Variants in STK26 observed in about 807,000 individuals in gnomAD.
STK26 encodes the protein serine/threonine kinase 26.
Under a neutral mutation model 34.7 loss-of-function variants are expected in STK26, and 14 were observed. That is an observed-to-expected ratio of 0.40 (90% CI 0.27 to 0.63). STK26 has a LOEUF of 0.63. STK26 is among the 30% of genes least tolerant of loss of function. The pLI is 0.38. For synonymous variants in STK26, 100 were observed against 109.8 expected (o/e 0.91, Z 0.56); for missense variants, 226 against 309.1 (o/e 0.73, Z 2.02).
Position 132,075,247 on chromosome X carries a change from T to C in STK26, c.*1088T>C, listed in dbSNP as rs1602785633. Reference sequence around the variant, plus strand: ...TTAAATTAGATTGCACAGTTAATTTTCACTTATATTTATGGTACTATTATG... The same window carrying C: ...TTAAATTAGATTGCACAGTTAATTTCCACTTATATTTATGGTACTATTATG... On this transcript the variant is annotated 3_prime_UTR_variant, in exon 12 of 12. Coordinates refer to ENST00000394334, the MANE Select transcript of STK26 (RefSeq NM_016542.4). The C allele has an allele frequency of 9.0e-6, 1 of 111,560 alleles. No homozygotes were observed. Among genetic ancestry groups the C allele is most frequent in the African/African-American group, 3.3e-5 (1 of 30,745 alleles). The allele number at this position is 111,560 out of a possible 1,213,427, so 9.2% of individuals were successfully genotyped here. A position where few individuals can be genotyped will look rare whatever the true frequency, so the allele number is the denominator to read the frequency against.
At chrX:132,044,092 A>G (rs1255765265) in intron 2 of STK26, among the ~76,000 whole-genome samples, 1 of 111,624 alleles carries the variant, frequency 9.0e-6, no homozygotes, top group African/African-American at 3.3e-5. Context: ...AGATAATCAC[A>G]TGCCAAAGAT....
In STK26 at chrX:132,045,093, C is replaced by T. The variant is rs971247273; in HGVS notation, c.43-9538C>T. Among the ~76,000 whole-genome samples, 4 of 108,077 alleles carry T rather than the reference C, an allele frequency of 3.7e-5. No homozygotes were observed. The East Asian group carries it at 1.2e-3, about 31-fold the overall frequency. The allele number at this position is 108,077 out of a possible 115,157, so 93.9% of individuals were successfully genotyped here. On this transcript the variant is annotated intron_variant, in intron 2 of 11. Coordinates refer to ENST00000394334, the MANE Select transcript of STK26 (RefSeq NM_016542.4). ...CCCTTGACTTCCTCCGGGATAGTCACGTGTATATAATGGGACATGGCCAGT... is the reference window on the plus strand; with the variant it reads ...CCCTTGACTTCCTCCGGGATAGTCATGTGTATATAATGGGACATGGCCAGT...
chrX:132,075,895 A>T lies in STK26; in HGVS notation c.*1736A>T, dbSNP rs1163467314. The T allele has an allele frequency of 1.8e-5, 2 of 111,478 alleles. No individual in the cohort carries two copies. Among genetic ancestry groups the T allele is most frequent in the East Asian group, 5.5e-4 (2 of 3,604 alleles). The allele number at this position is 111,478 out of a possible 1,213,427, so 9.2% of individuals were successfully genotyped here. A position where few individuals can be genotyped will look rare whatever the true frequency, so the allele number is the denominator to read the frequency against. On this transcript the variant is annotated 3_prime_UTR_variant, in exon 12 of 12. Coordinates refer to ENST00000394334, the MANE Select transcript of STK26 (RefSeq NM_016542.4). ...TGTAATCTGTTTCTAGGTGAAGCAT[A>T]CTCCAGTGTTTTAGGGGTTTTGAAA...
At position 132,068,241 on chromosome X, in the gene STK26, C is replaced by T. The variant is rs1927285733; in HGVS notation, c.357C>T (p.Phe119=). ...DLLRAGPFDE[F]QIATMLKEIL... ...TTCGAGCTGGTCCATTTGATGAGTT[C>T]CAGATTGCTACCATGCTAAAGGAAA... The change falls in exon 5 of 12, where the codon TTC becomes TTT. Residue 119 remains phenylalanine (F), a synonymous_variant. Coordinates refer to ENST00000394334, the MANE Select transcript of STK26 (RefSeq NM_016542.4). 1.7e-6 allele frequency: 2 copies of T among 1,206,177 alleles called. No individual in the cohort carries two copies. The highest frequency in any genetic ancestry group is 2.2e-6 in the Non-Finnish European group (2 of 893,184).
chrX:132,063,547 A>G, intron 4 of STK26, 58 bp downstream of exon 4: 1 of 1,043,510 alleles, frequency 9.6e-7, no homozygotes, highest in East Asian at 3.1e-5. Flanking sequence ...CACATACCTT[A>G]ATTTTTTAAA....
intron 3 of STK26, 60 bp downstream of exon 3, chrX:132,054,921 C>A: frequency 9.9e-7 from 1 of 1,007,273 alleles, no homozygotes; most frequent in Non-Finnish European, 1.3e-6. Flanking sequence ...TTTTTTAATT[C>A]TATTTTTTTG....
At position 132,052,588 on chromosome X, in the gene STK26, A is replaced by G. The variant is rs776708105; in HGVS notation, c.43-2043A>G. On this transcript the variant is annotated intron_variant, in intron 2 of 11. Coordinates refer to ENST00000394334, the MANE Select transcript of STK26 (RefSeq NM_016542.4). The stretch of plus-strand genomic sequence containing the variant: ...ATGTGACCTCGTTTTAAAATTTTTG[A>G]TTTACATATTTGCAAGAACCCATTT... 2.7e-5 allele frequency among the ~76,000 whole-genome samples: 3 copies of G among 112,040 alleles called. No homozygotes were observed. The East Asian group carries it at 8.4e-4, about 31-fold the overall frequency.
rs1390181420 is a variant in STK26, at chrX:132,069,673, T to C, written c.783+10T>C. On this transcript the variant is annotated intron_variant, in intron 7 of 11. Coordinates refer to ENST00000394334, the MANE Select transcript of STK26 (RefSeq NM_016542.4). ...CAAAGATCCATCATTTGTGAGTATA[T>C]ATTGCTATTATTACTATTTGTTTTC... is the stretch of plus-strand genomic sequence containing the variant. The C allele has an allele frequency of 2.0e-6, 2 of 1,019,296 alleles. No homozygotes were observed. Among genetic ancestry groups the C allele is most frequent in the Non-Finnish European group, 2.5e-6 (2 of 786,360 alleles). 84.0% of individuals were successfully genotyped at this position (1,019,296 alleles called of 1,213,427 possible).
Position 132,054,630 on chromosome X carries a change from G to A in STK26, c.43-1G>A. 1 of 1,202,780 alleles carries A rather than the reference G, an allele frequency of 8.3e-7. No homozygotes were observed. The highest frequency in any genetic ancestry group is 1.1e-6 in the Non-Finnish European group (1 of 890,097). ...TTTTTCTCGTTCCCCACTCCCTTCA[G>A]AATAACATAGCTGATCCAGAAGAAC... On this transcript the variant is annotated splice_acceptor_variant, in intron 2 of 11. Coordinates refer to ENST00000394334, the MANE Select transcript of STK26 (RefSeq NM_016542.4). LOFTEE classifies it high-confidence loss of function.
At position 132,023,628 on chromosome X, in the gene STK26, C is replaced by A; in HGVS notation, c.11C>A (p.Ser4Ter). 8.5e-7 allele frequency: 1 copy of A among 1,176,367 alleles called. No individual in the cohort carries two copies. Among genetic ancestry groups the A allele is most frequent in the East Asian group, 3.2e-5 (1 of 31,687 alleles). ...GCAGCATTCGCCTCCATGGCCCACT[C>A]GCCGGTGGCTGTCCAAGTGCCTGGG... MAH[S>*]PVAVQVPGMQ... is the part of the protein sequence containing the mutation. The change falls in exon 2 of 12, where the codon TCG becomes TAG. Residue 4 changes from serine (S) to a stop codon, truncating the protein, a stop_gained. Transcript: ENST00000394334. LOFTEE classifies it high-confidence loss of function.
chrX:132,029,595 C>G (rs1254479182), intron 2 of STK26, among the ~76,000 whole-genome samples: 2 of 110,726 alleles, frequency 1.8e-5, no homozygotes, highest in Non-Finnish European at 3.8e-5. Flanking sequence ...GCTCAGCTTT[C>G]CATACTTTCT....
chrX:132,063,923 A>G lies in STK26; in HGVS notation c.330+434A>G, dbSNP rs192740151. ...TTCATATGTGGAAATCCTAACCCCC[A>G]ATGTGATGGTATTAGGCGGTGGGGA... On this transcript the variant is annotated intron_variant, in intron 4 of 11. Coordinates refer to ENST00000394334, the MANE Select transcript of STK26 (RefSeq NM_016542.4). 5.9e-3 allele frequency among the ~76,000 whole-genome samples: 658 copies of G among 111,744 alleles called. 5 individuals are homozygous for G. The highest frequency in any genetic ancestry group is 0.02 in the African/African-American group (621 of 30,741).
At chrX:132,059,684 A>G (rs1413259526) in intron 3 of STK26, among the ~76,000 whole-genome samples, 2 of 111,881 alleles carry the variant, frequency 1.8e-5, no homozygotes, top group East Asian at 5.6e-4. Flanking sequence ...CAGGCATTGA[A>G]TAGAATTTGA....
At chrX:132,028,053 G>T (rs1255511757) in intron 2 of STK26, among the ~76,000 whole-genome samples, 3 of 74,620 alleles carry the variant, frequency 4.0e-5, no homozygotes, top group Non-Finnish European at 8.2e-5. Context: ...TTTTTTTGGA[G>T]ACAATGTTTA....
In STK26 at chrX:132,072,168, G is replaced by A. The variant is rs374700502; in HGVS notation, c.933-100G>A. 9.7e-6 allele frequency: 6 copies of A among 619,584 alleles called. No homozygotes were observed. In the African/African-American group the frequency reaches 1.1e-4, roughly 12 times the overall value. 51.1% of individuals were successfully genotyped at this position (619,584 alleles called of 1,213,427 possible). ...TTTGCATCATGAGTTTTTAAACATT[G>A]GGACAATTATCCCTTTAGATTCTAC... On this transcript the variant is annotated intron_variant, in intron 8 of 11. Coordinates refer to ENST00000394334, the MANE Select transcript of STK26 (RefSeq NM_016542.4).
At position 132,075,754 on chromosome X, in the gene STK26, T is replaced by A. The variant is rs1927579610; in HGVS notation, c.*1595T>A. 8.9e-6 allele frequency: 1 copy of A among 111,891 alleles called. No individual in the cohort carries two copies. Among genetic ancestry groups the A allele is most frequent in the South Asian group, 3.6e-4 (1 of 2,741 alleles). 9.2% of individuals were successfully genotyped at this position (111,891 alleles called of 1,213,427 possible). On this transcript the variant is annotated 3_prime_UTR_variant, in exon 12 of 12. Transcript: ENST00000394334. ...TTTGCAACTCATGTTATGGGTTAAA[T>A]GAATATTTTTGTAAAAGTAAAAGCA...
In STK26 at chrX:132,071,209, C is replaced by T; in HGVS notation, c.924C>T (p.Gly308=). 1 of 1,207,538 alleles carries T rather than the reference C, an allele frequency of 8.3e-7. No individual in the cohort carries two copies. Among genetic ancestry groups the T allele is most frequent in the Non-Finnish European group, 1.1e-6 (1 of 893,594 alleles). The change falls in exon 8 of 12, where the codon GGC becomes GGT. Residue 308 remains glycine (G), a synonymous_variant. Coordinates refer to ENST00000394334, the MANE Select transcript of STK26 (RefSeq NM_016542.4). ...GHSDDESDSE[G]SDSESTSREN... ...GTGATGATGAATCTGATTCCGAGGG[C>T]TCTGATTCGTATGTACAAATTATTT...
chrX:132,030,470 C>T (rs1925790868), intron 2 of STK26, among the ~76,000 whole-genome samples: 1 of 111,618 alleles, frequency 9.0e-6, no homozygotes, highest in Admixed American at 9.6e-5. Flanking sequence ...TCTGAACTGT[C>T]ACATTAGAAA....
intron 3 of STK26, among the ~76,000 whole-genome samples, chrX:132,058,505 C>T (rs1297572858): frequency 9.0e-6 from 1 of 111,171 alleles, no homozygotes; most frequent in African/African-American, 3.3e-5. Context: ...TTATTGGTTG[C>T]TTATTTATTC....
Sources: allele counts gnomAD v4.1 joint callset (sites outside exome capture counted in the v4.1 genomes callset), GRCh38; gene constraint gnomAD v4.1.1; transcripts MANE v1.5; gene names NCBI Gene and HGNC (gene_info 2026-07-23, HGNC 2026-07-21).